Variants in SEPTIN6 observed in about 807,000 individuals in gnomAD.
The protein encoded by SEPTIN6 is septin-6.
A neutral mutation model predicts 33.6 loss-of-function variants in SEPTIN6; 8 were observed. The observed-to-expected ratio is 0.24, with a 90% CI of 0.14 to 0.43. SEPTIN6 has a LOEUF of 0.43. Among genes scored for constraint, SEPTIN6 ranks in the 20% least tolerant of loss-of-function variants. SEPTIN6 has a pLI of 1.00. For missense variants in SEPTIN6, 250 were observed against 340.8 expected, an observed-to-expected ratio of 0.73 and a Z score of 2.10; for synonymous variants, 131 against 140.0, an observed-to-expected ratio of 0.94 and a Z score of 0.45.
chrX:119,677,359 C>G lies in SEPTIN6; in HGVS notation c.31-1691G>C, dbSNP rs1046974533. ...AAAAGGGGCCTGCGTGGAGCGTGGA[C>G]TCAAGAAATGTGCCAAATACCAACC... is the stretch of plus-strand genomic sequence containing the variant. On this transcript the variant is annotated intron_variant, in intron 1 of 10. Transcript: ENST00000394610. Among the ~76,000 whole-genome samples the G allele has an allele frequency of 5.3e-5, 6 of 112,255 alleles. No homozygotes were observed. The Admixed American group carries it at 5.7e-4, about 11-fold the overall frequency.
At chrX:119,627,570 G>A (rs1363711774) in intron 9 of SEPTIN6, among the ~76,000 whole-genome samples, 1 of 110,556 alleles carries the variant, frequency 9.0e-6, no homozygotes, top group Non-Finnish European at 1.9e-5. Context: ...AGCCAGCAGG[G>A]AGGGATCACA....
intron 2 of SEPTIN6, among the ~76,000 whole-genome samples, chrX:119,666,633 TCTGA>T (rs2054645425): frequency 3.6e-5 from 4 of 111,392 alleles, no homozygotes. Context: ...CATAGCCAGG[TCTGA>T]CTAACTTGGT....
At chrX:119,636,567 T>A (rs2054064417) in intron 7 of SEPTIN6, among the ~76,000 whole-genome samples, 1 of 111,261 alleles carries the variant, frequency 9.0e-6, no homozygotes, top group African/African-American at 3.3e-5. Flanking sequence ...TATCTGGGTT[T>A]GAGAATGGGG....
chrX:119,653,186 A>G (rs919031344), intron 3 of SEPTIN6, 146 bp from the exon 4 acceptor site: 64 of 492,804 alleles, frequency 1.3e-4, no homozygotes, highest in Middle Eastern at 5.8e-4. Context: ...TGGGCCTCCA[A>G]TCTTGTCAGC....
At chrX:119,684,433 C>T (rs909244212) in intron 1 of SEPTIN6, among the ~76,000 whole-genome samples, 2 of 108,604 alleles carry the variant, frequency 1.8e-5, no homozygotes, top group African/African-American at 6.7e-5. Flanking sequence ...CCAAGGATGC[C>T]GCTGTATTAT....
chrX:119,663,529 C>T lies in SEPTIN6; in HGVS notation c.294G>A (p.Thr98=), dbSNP rs768640971. Residue 98 remains threonine, a synonymous_variant, in exon 3 of 11, where the codon ACG becomes ACA. Coordinates refer to ENST00000394610, the MANE Select transcript of SEPTIN6 (RefSeq NM_145799.4). ...LQESNVRLKL[T]IVSTVGFGDQ... Reference sequence around the variant, plus strand: ...CCCCAAAGCCAACTGTGCTAACGATCGTGAGCTTTAGCCTCACGTTGCTCT... The same window carrying T: ...CCCCAAAGCCAACTGTGCTAACGATTGTGAGCTTTAGCCTCACGTTGCTCT... The T allele has an allele frequency of 9.3e-6, 10 of 1,076,753 alleles. No homozygotes were observed. The highest frequency in any genetic ancestry group is 5.8e-5 in the African/African-American group (3 of 51,370). The allele number at this position is 1,076,753 out of a possible 1,213,427, so 88.7% of individuals were successfully genotyped here. A position where few individuals can be genotyped will look rare whatever the true frequency, so the allele number is the denominator to read the frequency against.
intron 3 of SEPTIN6, 139 bp from the exon 4 acceptor site, chrX:119,653,179 G>A: frequency 2.0e-6 from 1 of 509,813 alleles, no homozygotes; most frequent in Non-Finnish European, 3.2e-6. Context: ...CCTTCAGTGG[G>A]CCTCCAATCT....
At chrX:119,692,958 G>T in intron 1 of SEPTIN6, 118 bp downstream of exon 1, 1 of 742,080 alleles carries the variant, frequency 1.3e-6, no homozygotes, top group South Asian at 2.3e-5. Context: ...GTCCCACCGT[G>T]CCCTTGGCTC....
chrX:119,624,169 G>C (rs397834392), intron 10 of SEPTIN6: 2 of 171,810 alleles, frequency 1.2e-5, no homozygotes, highest in Non-Finnish European at 2.2e-5. Context: ...TTTTTTTTTT[G>C]TTTGTTTGTT....
chrX:119,675,467 C>T (rs1482368185), intron 2 of SEPTIN6, 87 bp downstream of exon 2: 6 of 464,035 alleles, frequency 1.3e-5, no homozygotes, highest in African/African-American at 1.0e-4. Flanking sequence ...GAATGACACA[C>T]TATTTAACCT....
chrX:119,671,986 C>A (rs898868453), intron 2 of SEPTIN6, among the ~76,000 whole-genome samples: 1 of 112,046 alleles, frequency 8.9e-6, no homozygotes, highest in African/African-American at 3.2e-5. Flanking sequence ...GACATTGCAG[C>A]TTCAGAGCTA....
chrX:119,661,567 A>G (rs910164686), intron 3 of SEPTIN6, among the ~76,000 whole-genome samples: 6 of 112,572 alleles, frequency 5.3e-5, no homozygotes, highest in Non-Finnish European at 1.1e-4. Context: ...GAATCCTGAA[A>G]GAATGAGAAG....
In SEPTIN6 at chrX:119,617,915, C is replaced by G. The variant is rs866119607; in HGVS notation, c.*2178G>C. ...TACTTTTGAATTATTCAGAGCTTCT[C>G]AAGCCTTAACTAGTTAATCTGTACA... On this transcript the variant is annotated 3_prime_UTR_variant, in exon 11 of 11. Coordinates refer to ENST00000394610, the MANE Select transcript of SEPTIN6 (RefSeq NM_145799.4). 27 of 801,483 alleles carry G rather than the reference C, an allele frequency of 3.4e-5. No homozygotes were observed. Among genetic ancestry groups the G allele is most frequent in the Admixed American group, 2.3e-4 (3 of 12,858 alleles). 66.1% of individuals were successfully genotyped at this position (801,483 alleles called of 1,213,427 possible).
chrX:119,678,526 A>G (rs1004295925), intron 1 of SEPTIN6, among the ~76,000 whole-genome samples: 9 of 109,060 alleles, frequency 8.3e-5, no homozygotes, highest in Admixed American at 1.9e-4. Flanking sequence ...CTCAAAAAAA[A>G]AAAAATAAAT....
chrX:119,686,071 A>C (rs2055049802), intron 1 of SEPTIN6, among the ~76,000 whole-genome samples: 1 of 111,895 alleles, frequency 8.9e-6, no homozygotes, highest in East Asian at 2.8e-4. Context: ...ATTCCCTGGA[A>C]GCCAGACAAT....
At chrX:119,641,345 A>C (rs187342859) in intron 5 of SEPTIN6, among the ~76,000 whole-genome samples, 1 of 111,977 alleles carries the variant, frequency 8.9e-6, no homozygotes, top group East Asian at 2.8e-4. Context: ...AAGGCAAGTC[A>C]CCAAGGATTT....
chrX:119,641,416 G>A (rs1451355715), intron 5 of SEPTIN6, among the ~76,000 whole-genome samples: 2 of 112,237 alleles, frequency 1.8e-5, no homozygotes, highest in Non-Finnish European at 3.8e-5. Flanking sequence ...AGCAGCAGAA[G>A]ACACGCTCCC....
chrX:119,640,892 C>T lies in SEPTIN6; in HGVS notation c.691-104G>A, dbSNP rs1316920341. ...TCTGGGGCCCCAGGCCCTCACCCTG[C>T]AATGTCCCTCACTGTCATCATCACC... is the stretch of plus-strand genomic sequence containing the variant. On this transcript the variant is annotated intron_variant, in intron 5 of 10. Coordinates refer to ENST00000394610, the MANE Select transcript of SEPTIN6 (RefSeq NM_145799.4). 9.2e-6 allele frequency: 5 copies of T among 541,648 alleles called. No individual in the cohort carries two copies. The East Asian group carries it at 1.4e-4, about 15-fold the overall frequency. The allele number at this position is 541,648 out of a possible 1,213,427, so 44.6% of individuals were successfully genotyped here.
At chrX:119,673,638 G>A (rs2054786779) in intron 2 of SEPTIN6, among the ~76,000 whole-genome samples, 1 of 109,767 alleles carries the variant, frequency 9.1e-6, no homozygotes, top group African/African-American at 3.3e-5. Flanking sequence ...AGGCCGAGGT[G>A]GGCGGATCAC....
Sources: allele counts gnomAD v4.1 joint callset (sites outside exome capture counted in the v4.1 genomes callset), GRCh38; gene constraint gnomAD v4.1.1; transcripts MANE v1.5; gene names NCBI Gene and HGNC (gene_info 2026-07-23, HGNC 2026-07-21).